The following IL1RAPL2 variants were observed in gnomAD, a reference collection of about 807,000 sequenced individuals.
IL1RAPL2 encodes interleukin 1 receptor accessory protein like 2.
In IL1RAPL2, 3 loss-of-function variants were observed where a neutral mutation model predicts 44.1. The ratio of observed to expected loss-of-function variants is 0.07; its 90% CI spans 0.03 to 0.18. IL1RAPL2 has a LOEUF of 0.18. Among genes scored for constraint, IL1RAPL2 ranks in the 10% least tolerant of loss-of-function variants. The pLI, the probability that IL1RAPL2 is intolerant of heterozygous loss-of-function variation, is 1.00. For synonymous variants in IL1RAPL2, 181 were observed against 178.8 expected (o/e 1.01, Z -0.10); for missense variants, 391 against 496.4 (o/e 0.79, Z 2.02).
intron 5 of IL1RAPL2, among the ~76,000 whole-genome samples, chrX:105,327,879 T>C (rs2034952972): frequency 8.9e-6 from 1 of 111,954 alleles, no homozygotes; most frequent in Non-Finnish European, 1.9e-5. Context: ...GTAGTAATTA[T>C]ACATTTAAAT....
chrX:105,199,979 A>C (rs1170832143), intron 3 of IL1RAPL2, among the ~76,000 whole-genome samples: 1 of 111,633 alleles, frequency 9.0e-6, no homozygotes, highest in African/African-American at 3.3e-5. Context: ...CCTGTTTTTC[A>C]TATCTAGTAG....
intron 5 of IL1RAPL2, among the ~76,000 whole-genome samples, chrX:105,306,305 C>G (rs192940792): frequency 3.6e-5 from 4 of 110,767 alleles, no homozygotes; most frequent in Admixed American, 1.9e-4. Context: ...GTGTGTATTT[C>G]CCAAGAAAAG....
intron 2 of IL1RAPL2, among the ~76,000 whole-genome samples, chrX:105,050,600 G>A (rs779338583): frequency 1.8e-5 from 2 of 111,808 alleles, no homozygotes; most frequent in South Asian, 7.5e-4. Context: ...CAAGATCTTT[G>A]GGGTGTCGAT....
intron 6 of IL1RAPL2, among the ~76,000 whole-genome samples, chrX:105,521,977 C>T (rs1301756391): frequency 9.0e-6 from 1 of 111,484 alleles, no homozygotes; most frequent in African/African-American, 3.3e-5. Context: ...CCAGCAATTC[C>T]ATATATATTA....
chrX:105,455,788 T>C (rs747265752), intron 5 of IL1RAPL2, among the ~76,000 whole-genome samples: 25 of 112,309 alleles, frequency 2.2e-4, no homozygotes, highest in Non-Finnish European at 3.8e-4. Flanking sequence ...TGCTTAGGAT[T>C]GCCTTGACTA....
At chrX:104,865,453 G>T (rs1215164766) in intron 2 of IL1RAPL2, among the ~76,000 whole-genome samples, 4 of 111,291 alleles carry the variant, frequency 3.6e-5, no homozygotes, top group Non-Finnish European at 7.5e-5. Flanking sequence ...GTTGACAAGG[G>T]GTGAACTTGG....
At chrX:104,916,109 G>C (rs1392956317) in intron 2 of IL1RAPL2, among the ~76,000 whole-genome samples, 1 of 111,808 alleles carries the variant, frequency 8.9e-6, no homozygotes, top group Non-Finnish European at 1.9e-5. Context: ...TGTGAAGAAA[G>C]TCATTGGTAG....
intron 6 of IL1RAPL2, among the ~76,000 whole-genome samples, chrX:105,498,774 C>A (rs1387089871): frequency 3.6e-5 from 4 of 111,378 alleles, no homozygotes; most frequent in Non-Finnish European, 7.5e-5. Context: ...AACAAATGTA[C>A]CAGGACTAAA....
intron 5 of IL1RAPL2, among the ~76,000 whole-genome samples, chrX:105,451,932 T>A (rs1448904649): frequency 9.0e-6 from 1 of 111,278 alleles, no homozygotes; most frequent in Non-Finnish European, 1.9e-5. Flanking sequence ...TATCTCCCGA[T>A]TGCCCTTTGA....
chrX:105,500,243 T>C (rs193018547), intron 6 of IL1RAPL2, among the ~76,000 whole-genome samples: 14 of 110,811 alleles, frequency 1.3e-4, no homozygotes, highest in Non-Finnish European at 2.5e-4. Context: ...GAAAAAGCTC[T>C]AGAGGTCTGC....
chrX:105,096,639 G>C (rs2032606592), intron 2 of IL1RAPL2, among the ~76,000 whole-genome samples: 1 of 111,935 alleles, frequency 8.9e-6, no homozygotes. Flanking sequence ...GAAATGTCCA[G>C]AATAGGCATA....
intron 6 of IL1RAPL2, among the ~76,000 whole-genome samples, chrX:105,575,464 G>A (rs1302234757): frequency 8.9e-6 from 1 of 111,739 alleles, no homozygotes; most frequent in Non-Finnish European, 1.9e-5. Context: ...TAGGATAATG[G>A]CCTCCAGCTC....
chrX:105,225,160 C>T (rs782666198), intron 3 of IL1RAPL2, among the ~76,000 whole-genome samples: 1 of 111,976 alleles, frequency 8.9e-6, no homozygotes, highest in Admixed American at 9.5e-5. Flanking sequence ...CTAGAATGAT[C>T]CACAATTCTT....
chrX:105,585,627 T>C (rs2037121829), intron 6 of IL1RAPL2, among the ~76,000 whole-genome samples: 3 of 111,694 alleles, frequency 2.7e-5, no homozygotes, highest in Middle Eastern at 4.6e-3. Context: ...TGGCGTTCCA[T>C]TCTGGCATTA....
intron 2 of IL1RAPL2, among the ~76,000 whole-genome samples, chrX:104,946,824 A>T (rs1476169225): frequency 4.2e-5 from 4 of 95,251 alleles, no homozygotes; most frequent in Non-Finnish European, 8.4e-5. Flanking sequence ...ATTGTTGGAC[A>T]TTTGGGTTGG....
At chrX:105,220,444 C>A in intron 3 of IL1RAPL2, 2 of 1,079,111 alleles carry the variant, frequency 1.9e-6, no homozygotes, top group Non-Finnish European at 1.2e-6. Context: ...GTGGATGGAG[C>A]AGCCAATAGG....
intron 2 of IL1RAPL2, among the ~76,000 whole-genome samples, chrX:104,879,490 G>A (rs1484993828): frequency 1.8e-5 from 2 of 110,603 alleles, no homozygotes; most frequent in African/African-American, 6.6e-5. Context: ...GTGCCAAATG[G>A]CAACTTGTTT....
At chrX:105,369,347 A>G (rs980926041) in intron 5 of IL1RAPL2, among the ~76,000 whole-genome samples, 2 of 111,024 alleles carry the variant, frequency 1.8e-5, no homozygotes, top group African/African-American at 6.5e-5. Flanking sequence ...TAGTGCCTCT[A>G]AATTCCTTGT....
intron 5 of IL1RAPL2, among the ~76,000 whole-genome samples, chrX:105,286,015 G>A (rs1468465451): frequency 1.8e-5 from 2 of 111,660 alleles, no homozygotes; most frequent in African/African-American, 6.5e-5. Context: ...ATTCAAAGAT[G>A]TTTTAATCCT....
Sources: gnomAD v4.1 joint callset for allele counts (sites outside exome capture counted in the v4.1 genomes callset) on GRCh38, gnomAD v4.1.1 for gene constraint, MANE v1.5 for transcripts, NCBI Gene and HGNC (gene_info 2026-07-23, HGNC 2026-07-21) for gene names.